Variants in LPAR6 observed in about 807,000 individuals in gnomAD.
LPAR6 encodes G-protein coupled purinergic receptor P2Y5.
Under a neutral mutation model 22.0 loss-of-function variants are expected in LPAR6, and 17 were observed. The ratio of observed to expected loss-of-function variants is 0.77; its 90% CI spans 0.53 to 1.16. The LOEUF (loss-of-function observed/expected upper bound fraction) is 1.16, where lower values mean the gene tolerates loss of function less well. Ranked by LOEUF, LPAR6 falls within the 50% of genes most tolerant of loss-of-function variation. The pLI is 0.00. For missense variants in LPAR6, 384 were observed against 406.9 expected, an observed-to-expected ratio of 0.94 and a Z score of 0.48; for synonymous variants, 136 against 139.8, an observed-to-expected ratio of 0.97 and a Z score of 0.19.
rs1196290268 is a variant in LPAR6 at position 48,412,204 on chromosome 13, T to C, written c.220A>G (p.Ile74Val). The C allele has an allele frequency of 6.2e-7, 1 of 1,613,922 alleles. No individual in the cohort carries two copies. The highest frequency in any genetic ancestry group is 1.7e-5 in the Admixed American group (1 of 60,010). ...CAATTCCGTGTTGTGAAGTAAAAAA[T>C]CCTGAAGGGTAAAGTAAAAACAAAA... ...LLFVFTLPFR[I>V]FYFTTRNWPF... Residue 74 changes from isoleucine to valine, a missense_variant, in exon 1 of 1, where the codon ATT becomes GTT. Ile to Val is a conservative substitution (Grantham distance 29). Transcript: ENST00000620633.
chr13:48,427,166 G>A (rs539640790), upstream of LPAR6, among the ~76,000 whole-genome samples: 5 of 149,486 alleles, frequency 3.3e-5, no homozygotes, highest in South Asian at 2.1e-4. Flanking sequence ...ACTTCAACAC[G>A]AGTCATCTAC....
chr13:48,430,761 CAAACA>C (rs1486952407), upstream of LPAR6, among the ~76,000 whole-genome samples: 3 of 31,924 alleles, frequency 9.4e-5, no homozygotes, highest in African/African-American at 1.2e-4. Context: ...AACAAACAAA[CAAACA>C]AAAAAAAAAA....
chr13:48,439,148 T>C (rs1949212292), intron 1 of LPAR6, among the ~76,000 whole-genome samples: 1 of 152,162 alleles, frequency 6.6e-6, no homozygotes, highest in African/African-American at 2.4e-5. Context: ...ACAGGTAGAC[T>C]TGGGTTTGAA....
chr13:48,411,722 A>G lies in LPAR6; in HGVS notation c.702T>C (p.His234=). The G allele has an allele frequency of 6.2e-7, 1 of 1,605,778 alleles. No homozygotes were observed. The highest frequency in any genetic ancestry group is 1.1e-5 in the South Asian group (1 of 90,868). Residue 234 remains histidine (H), a synonymous_variant, in exon 1 of 1, where the codon CAT becomes CAC. Coordinates refer to ENST00000620633, the MANE Select transcript of LPAR6 (RefSeq NM_001162498.3). ...KTKVLKMIFV[H]LIIFCFCFVP... ...CAAAACAGAAACAGAATATGATCAA[A>G]TGTACAAAAATCATTTTTAAAACCT...
exon 1 of LPAR6, chr13:48,444,628 G>A (rs1046487507): frequency 2.6e-5 from 4 of 152,354 alleles, no homozygotes; most frequent in Non-Finnish European, 4.4e-5. Flanking sequence ...CAGGGGTGCA[G>A]AGCTTCCATG....
chr13:48,399,127 G>T (rs546395308), intron 1 of LPAR6, among the ~76,000 whole-genome samples: 8 of 152,168 alleles, frequency 5.3e-5, no homozygotes, highest in African/African-American at 1.7e-4. Flanking sequence ...TTGAAATTAG[G>T]TATTTGGATC....
chr13:48,416,348 T>C (rs1238896809), upstream of LPAR6: 1 of 152,258 alleles, frequency 6.6e-6, no homozygotes, highest in Non-Finnish European at 1.5e-5. Flanking sequence ...CTTCCTCCCC[T>C]AGCTAAGGGA....
rs1948843611 is a variant in LPAR6 at position 48,412,988 on chromosome 13, A to G, written c.-565T>C. 1 of 169,062 alleles carries G rather than the reference A, an allele frequency of 5.9e-6. No homozygotes were observed. The highest frequency in any genetic ancestry group is 1.4e-5 in the Non-Finnish European group (1 of 69,606). 10.5% of individuals were successfully genotyped at this position (169,062 alleles called of 1,614,324 possible). ...TTCCTTTTTTGTTTTCCTGCAGTGG[A>G]TCCCAGATTGTGGGTAAGCAGAAGA... On this transcript the variant is annotated 5_prime_UTR_variant, in exon 1 of 1. Transcript: ENST00000620633.
upstream of LPAR6, among the ~76,000 whole-genome samples, chr13:48,417,488 G>T (rs779507535): frequency 3.3e-5 from 5 of 152,138 alleles, no homozygotes; most frequent in Non-Finnish European, 5.9e-5. Flanking sequence ...GCGCAAAAAG[G>T]CTGACAATTC....
intron 2 of LPAR6, among the ~76,000 whole-genome samples, chr13:48,420,886 G>A (rs1297883493): frequency 6.6e-6 from 1 of 152,052 alleles, no homozygotes; most frequent in Non-Finnish European, 1.5e-5. Context: ...GAAATAAAGA[G>A]GACACAAACA....
chr13:48,399,840 A>G (rs528421179), intron 1 of LPAR6, among the ~76,000 whole-genome samples: 1 of 151,990 alleles, frequency 6.6e-6, no homozygotes, highest in African/African-American at 2.4e-5. Context: ...TCTTTTCTCT[A>G]TGTATCTATA....
At chr13:48,398,880 G>A (rs1318278359) in intron 1 of LPAR6, among the ~76,000 whole-genome samples, 1 of 151,988 alleles carries the variant, frequency 6.6e-6, no homozygotes, top group Non-Finnish European at 1.5e-5. Flanking sequence ...GTTTTGCCTA[G>A]GAGCTAATAA....
At chr13:48,408,255 GAATAT>G (rs1397853051), downstream of LPAR6, among the ~76,000 whole-genome samples, 3 of 151,610 alleles carry the variant, frequency 2.0e-5, no homozygotes, top group African/African-American at 7.3e-5. Context: ...AATTTTCTGT[GAATAT>G]AATATATATA....
Position 48,444,117 on chromosome 13 carries a change from C to T in LPAR6, c.-1474+436G>A, listed in dbSNP as rs114303421. On this transcript the variant is annotated intron_variant, in intron 1 of 6. Transcript: ENST00000378434. The stretch of plus-strand genomic sequence containing the variant: ...GGGGTCTCAGTGCCCATACCTCATA[C>T]CCCCAGACACCATCCTAGGCCTCCA... Among the ~76,000 whole-genome samples, 345 of 152,240 alleles carry T rather than the reference C, an allele frequency of 2.3e-3. 1 individual carries two copies. The highest frequency in any genetic ancestry group is 7.8e-3 in the African/African-American group (322 of 41,528).
chr13:48,424,613 G>A (rs956512535), intron 1 of LPAR6, among the ~76,000 whole-genome samples: 9 of 149,004 alleles, frequency 6.0e-5, no homozygotes, highest in South Asian at 2.1e-4. Context: ...CTTTTTTTCC[G>A]AACTCTCTTG....
chr13:48,394,132 C>A (rs1279718275), intron 1 of LPAR6, among the ~76,000 whole-genome samples: 1 of 152,142 alleles, frequency 6.6e-6, no homozygotes, highest in Non-Finnish European at 1.5e-5. Flanking sequence ...CATCACCTCA[C>A]CCGGGAAGCA....
intron 1 of LPAR6, among the ~76,000 whole-genome samples, chr13:48,398,505 A>G (rs1388259177): frequency 2.0e-5 from 3 of 151,896 alleles, no homozygotes; most frequent in African/African-American, 7.3e-5. Context: ...ATAGTTTGAT[A>G]GAGTCCTGTA....
chr13:48,435,062 T>C (rs1328126073), intron 1 of LPAR6, among the ~76,000 whole-genome samples: 2 of 152,200 alleles, frequency 1.3e-5, no homozygotes, highest in African/African-American at 4.8e-5. Flanking sequence ...TTCTTTTCTC[T>C]GGGATAAATG....
intron 1 of LPAR6, among the ~76,000 whole-genome samples, chr13:48,403,409 A>C (rs1948710984): frequency 6.6e-6 from 1 of 152,096 alleles, no homozygotes; most frequent in African/African-American, 2.4e-5. Context: ...AAAACTGTGG[A>C]GGGAAGTGGA....
Sources: gnomAD v4.1 joint callset for allele counts (sites outside exome capture counted in the v4.1 genomes callset) on GRCh38, gnomAD v4.1.1 for gene constraint, MANE v1.5 for transcripts, NCBI Gene and HGNC (gene_info 2026-07-23, HGNC 2026-07-21) for gene names.